Variants in GNB4 observed in about 807,000 individuals in gnomAD.
GNB4 encodes the protein G protein subunit beta 4, also known as guanine nucleotide-binding protein subunit beta-4.
In GNB4, 28 loss-of-function variants were observed where a neutral mutation model predicts 45.2. The observed-to-expected ratio is 0.62, with a 90% CI of 0.46 to 0.85. The LOEUF (loss-of-function observed/expected upper bound fraction) is 0.85, where lower values mean the gene tolerates loss of function less well. GNB4 is among the 40% of genes least tolerant of loss of function. The pLI, the probability that GNB4 is intolerant of heterozygous loss-of-function variation, is 0.00. For synonymous variants in GNB4, 132 were observed against 143.7 expected, an observed-to-expected ratio of 0.92 and a Z score of 0.58; for missense variants, 321 against 425.4, an observed-to-expected ratio of 0.75 and a Z score of 2.16.
the GNB4 span, among the ~76,000 whole-genome samples, chr3:179,491,731 G>T: frequency 6.6e-6 from 1 of 152,180 alleles, no homozygotes; most frequent in Non-Finnish European, 1.5e-5. Flanking sequence ...AAGGGGCAAA[G>T]ATTTTACCAA....
the GNB4 span, among the ~76,000 whole-genome samples, chr3:179,485,000 GTTTTGTTTTT>G: frequency 8.0e-6 from 1 of 124,226 alleles, no homozygotes; most frequent in African/African-American, 3.3e-5. Flanking sequence ...AACTTTTTTC[GTTTTGTTTTT>G]TTTTTTTTTT....
chr3:179,495,587 C>G, the GNB4 span, among the ~76,000 whole-genome samples: 2 of 143,238 alleles, frequency 1.4e-5, no homozygotes, highest in African/African-American at 2.6e-5. Context: ...AGAAAGGAAG[C>G]AGGGAGTCAG....
intron 8 of GNB4, among the ~76,000 whole-genome samples, chr3:179,406,749 A>G (rs1254042370): frequency 1.3e-5 from 2 of 152,020 alleles, no homozygotes; most frequent in Non-Finnish European, 2.9e-5. Context: ...AGTAGCTGGG[A>G]TTACAGGCAT....
At chr3:179,526,255 C>A in the GNB4 span, among the ~76,000 whole-genome samples, 1 of 152,178 alleles carries the variant, frequency 6.6e-6, no homozygotes, top group East Asian at 1.9e-4. Context: ...ATTTCCACTT[C>A]TTTTGTGATT....
At position 179,429,961 on chromosome 3, in the gene GNB4, A is replaced by G. The variant is rs145724191; in HGVS notation, c.-42-3719T>C. Among the ~76,000 whole-genome samples the G allele has an allele frequency of 7.0e-4, 107 of 152,288 alleles. 2 individuals carry two copies. In the East Asian group the frequency reaches 0.02, roughly 29 times the overall value. ...CTTGCCATCTATATCATAAAGTAGA[A>G]GCCATCAAACATGAACTTTTTCAAT... On this transcript the variant is annotated intron_variant, in intron 1 of 9. Coordinates refer to ENST00000232564, the MANE Select transcript of GNB4 (RefSeq NM_021629.4).
the GNB4 span, among the ~76,000 whole-genome samples, chr3:179,471,293 T>C: frequency 2.6e-5 from 4 of 152,194 alleles, no homozygotes; most frequent in African/African-American, 4.8e-5. Flanking sequence ...TCTGTAGTAG[T>C]GCACAGTAAT....
the GNB4 span, among the ~76,000 whole-genome samples, chr3:179,519,928 A>G: frequency 3.9e-5 from 6 of 151,962 alleles, no homozygotes; most frequent in African/African-American, 9.7e-5. Flanking sequence ...AAGCCTATAA[A>G]CTCCCTTTAC....
chr3:179,501,097 A>G, the GNB4 span, among the ~76,000 whole-genome samples: 2 of 152,228 alleles, frequency 1.3e-5, no homozygotes, highest in African/African-American at 2.4e-5. Context: ...GGCAGCCTAC[A>G]GGGAGGAGTA....
In GNB4 at chr3:179,396,645, T is replaced by G. The variant is rs953846177; in HGVS notation, c.*4568A>C. The G allele has an allele frequency of 6.6e-6, 1 of 152,240 alleles. No individual in the cohort carries two copies. The highest frequency in any genetic ancestry group is 1.5e-5 in the Non-Finnish European group (1 of 68,042). 9.4% of individuals were successfully genotyped at this position (152,240 alleles called of 1,614,324 possible). On this transcript the variant is annotated 3_prime_UTR_variant, in exon 10 of 10. Coordinates refer to ENST00000232564, the MANE Select transcript of GNB4 (RefSeq NM_021629.4). ...GTAATGCTGCTTTATCACAACTGTA[T>G]TTTACAAAATCAGCAACTGGATTTA...
the GNB4 span, among the ~76,000 whole-genome samples, chr3:179,503,292 AT>A: frequency 1.3e-5 from 2 of 152,250 alleles, no homozygotes; most frequent in Non-Finnish European, 2.9e-5. Context: ...GTACAAAAAA[AT>A]AAGATGGATC....
At chr3:179,446,120 C>T (rs1440633197) in intron 1 of GNB4, among the ~76,000 whole-genome samples, 1 of 152,210 alleles carries the variant, frequency 6.6e-6, no homozygotes, top group Admixed American at 6.5e-5. Flanking sequence ...GAGGAACACA[C>T]ACTGTGAACT....
intron 2 of GNB4, among the ~76,000 whole-genome samples, chr3:179,422,692 ATCTAT>A (rs1299173954): frequency 6.6e-6 from 1 of 152,244 alleles, no homozygotes; most frequent in Non-Finnish European, 1.5e-5. Context: ...AAAACAAATC[ATCTAT>A]TATAATACAT....
chr3:179,506,561 A>G, the GNB4 span, among the ~76,000 whole-genome samples: 2 of 152,226 alleles, frequency 1.3e-5, no homozygotes, highest in Non-Finnish European at 2.9e-5. Flanking sequence ...TAGCAATGAC[A>G]ATGAAAAAGA....
In GNB4 at chr3:179,399,994, C is replaced by T. The variant is rs756136568; in HGVS notation, c.*1219G>A. 6 of 152,206 alleles carry T rather than the reference C, an allele frequency of 3.9e-5. No homozygotes were observed. Among genetic ancestry groups the T allele is most frequent in the Non-Finnish European group, 8.8e-5 (6 of 68,044 alleles). 9.4% of individuals were successfully genotyped at this position (152,206 alleles called of 1,614,324 possible). On this transcript the variant is annotated 3_prime_UTR_variant, in exon 10 of 10. Coordinates refer to ENST00000232564, the MANE Select transcript of GNB4 (RefSeq NM_021629.4). ...TATAGCTCTCTAACTCCTTTAAGAA[C>T]TGCTTTAGGAATTTTTATTTTGGCT... is the stretch of plus-strand genomic sequence containing the variant.
chr3:179,424,122 T>A lies in GNB4; in HGVS notation c.57+2022A>T, dbSNP rs546377234. Among the ~76,000 whole-genome samples the A allele has an allele frequency of 1.1e-4, 17 of 152,334 alleles. No homozygotes were observed. In the South Asian group the frequency reaches 3.5e-3, roughly 32 times the overall value. On this transcript the variant is annotated intron_variant, in intron 2 of 9. Transcript: ENST00000232564. ...TATAGCAGAACACACCTGGTCTGAA[T>A]CCTGGATCTGTTACCTTGGCAACTT...
intron 1 of GNB4, among the ~76,000 whole-genome samples, chr3:179,434,362 T>A (rs1384237210): frequency 6.6e-6 from 1 of 152,138 alleles, no homozygotes; most frequent in Non-Finnish European, 1.5e-5. Flanking sequence ...GAGACACACA[T>A]TGGCATCATA....
the GNB4 span, among the ~76,000 whole-genome samples, chr3:179,520,277 G>T: frequency 6.6e-6 from 1 of 151,570 alleles, no homozygotes; most frequent in Non-Finnish European, 1.5e-5. Context: ...TTCCTCAGCT[G>T]TTACCTATCT....
intron 1 of GNB4, among the ~76,000 whole-genome samples, chr3:179,428,976 G>A (rs897644563): frequency 6.6e-6 from 1 of 152,196 alleles, no homozygotes; most frequent in Non-Finnish European, 1.5e-5. Context: ...ACCATGAATA[G>A]AAATGGGAAA....
chr3:179,455,809 T>C (rs914416054), upstream of GNB4, among the ~76,000 whole-genome samples: 5 of 152,208 alleles, frequency 3.3e-5, no homozygotes, highest in Non-Finnish European at 5.9e-5. Context: ...CTGGCTCAGA[T>C]AGTTTGACTC....
Sources: gnomAD v4.1 joint callset for allele counts (sites outside exome capture counted in the v4.1 genomes callset) on GRCh38, gnomAD v4.1.1 for gene constraint, MANE v1.5 for transcripts, NCBI Gene and HGNC (gene_info 2026-07-23, HGNC 2026-07-21) for gene names.